PRPF8: variants seen among roughly 807,000 people sequenced by gnomAD.
PRPF8 encodes pre-mRNA-processing-splicing factor 8.
In PRPF8, 64 loss-of-function variants were observed where a neutral mutation model predicts 285.9. The ratio of observed to expected loss-of-function variants is 0.22; its 90% CI spans 0.18 to 0.28. The LOEUF (loss-of-function observed/expected upper bound fraction) is 0.28, where lower values mean the gene tolerates loss of function less well. Among genes scored for constraint, PRPF8 ranks in the 10% least tolerant of loss-of-function variants. PRPF8 has a pLI of 1.00. For missense variants in PRPF8, 1,426 were observed against 3,026.7 expected (o/e 0.47, Z 12.41); for synonymous variants, 1,325 against 1,118.2 (o/e 1.18, Z -3.69).
chr17:1,661,875 G>C lies in PRPF8; in HGVS notation c.4022+31C>G. ...CACTTCCCTTAGGGCCTGAGCAATA[G>C]GGTTTAGAAATACGTTGAACCAGGC... is the stretch of plus-strand genomic sequence containing the variant. On this transcript the variant is annotated intron_variant, in intron 25 of 42. Coordinates refer to ENST00000304992, the MANE Select transcript of PRPF8 (RefSeq NM_006445.4). The surrounding 1 kb of genome is among the most constrained non-coding windows in gnomAD (Gnocchi z 7.3). The C allele has an allele frequency of 1.2e-6, 2 of 1,614,174 alleles. No homozygotes were observed. Among genetic ancestry groups the C allele is most frequent in the East Asian group, 2.2e-5 (1 of 44,888 alleles).
intron 24 of PRPF8, among the ~76,000 whole-genome samples, chr17:1,668,594 A>C (rs1400078163): frequency 1.3e-5 from 2 of 150,532 alleles, no homozygotes; most frequent in South Asian, 2.1e-4. Flanking sequence ...AATCTCCTGA[A>C]CTCGTGATCC....
Position 1,673,574 on chromosome 17 carries a change from A to T in PRPF8, c.3447-7T>A. The T allele has an allele frequency of 6.2e-7, 1 of 1,613,944 alleles. No homozygotes were observed. Among genetic ancestry groups the T allele is most frequent in the Non-Finnish European group, 8.5e-7 (1 of 1,179,996 alleles). The stretch of plus-strand genomic sequence containing the variant: ...CCAGAATACCGCCCGGCCTCTGCCC[A>T]CAGAGAACACATGGTCACAGCAGTT... On this transcript the variant is annotated splice_polypyrimidine_tract_variant and splice_region_variant and intron_variant, in intron 22 of 42. Transcript: ENST00000304992. The surrounding 1 kb of genome is among the most constrained non-coding windows in gnomAD (Gnocchi z 5.5).
Position 1,660,981 on chromosome 17 carries a change from G to T in PRPF8, c.4508+12C>A, listed in dbSNP as rs746275996. 1.1e-5 allele frequency: 17 copies of T among 1,613,472 alleles called. No individual in the cohort carries two copies. Among genetic ancestry groups the T allele is most frequent in the Non-Finnish European group, 7.6e-6 (9 of 1,180,036 alleles). On this transcript the variant is annotated intron_variant, in intron 28 of 42. Transcript: ENST00000304992. ...GTTGTGACAGGTCCCTCTAAGAGAG[G>T]AGAATCCTCACCAGAAAAGCCCCTC... is the stretch of plus-strand genomic sequence containing the variant.
At position 1,676,778 on chromosome 17, in the gene PRPF8, C is replaced by T. The variant is rs1912622039; in HGVS notation, c.2182-67G>A. The stretch of plus-strand genomic sequence containing the variant: ...GCACTGTGGCACACATCTGTAGTCC[C>T]GGCTACTCAGGAGGCTAAGGAGGAT... On this transcript the variant is annotated intron_variant, in intron 15 of 42. Coordinates refer to ENST00000304992, the MANE Select transcript of PRPF8 (RefSeq NM_006445.4). The surrounding 1 kb of genome is among the most constrained non-coding windows in gnomAD (Gnocchi z 6.3). 12 of 1,572,894 alleles carry T rather than the reference C, an allele frequency of 7.6e-6. No homozygotes were observed. The highest frequency in any genetic ancestry group is 3.3e-5 in the Admixed American group (2 of 59,966).
At position 1,667,111 on chromosome 17, in the gene PRPF8, C is replaced by T. The variant is rs574107839; in HGVS notation, c.3775-4958G>A. Among the ~76,000 whole-genome samples the T allele has an allele frequency of 4.6e-5, 7 of 151,778 alleles. No individual in the cohort carries two copies. The South Asian group carries it at 6.2e-4, about 14-fold the overall frequency. On this transcript the variant is annotated intron_variant, in intron 24 of 42. Coordinates refer to ENST00000304992, the MANE Select transcript of PRPF8 (RefSeq NM_006445.4). ...TTACTTAAACCCGGGAGGCGGGGGT[C>T]GCAGTGAGCTGAAATTGTGCCACTG...
Position 1,652,929 on chromosome 17 carries a change from C to T in PRPF8, c.6369+613G>A, listed in dbSNP as rs117256958. 38 of 167,962 alleles carry T rather than the reference C, an allele frequency of 2.3e-4. No homozygotes were observed. The East Asian group carries it at 5.3e-3, about 23-fold the overall frequency. 10.4% of individuals were successfully genotyped at this position (167,962 alleles called of 1,614,324 possible). A position where few individuals can be genotyped will look rare whatever the true frequency, so the allele number is the denominator to read the frequency against. On this transcript the variant is annotated intron_variant, in intron 39 of 42. Coordinates refer to ENST00000304992, the MANE Select transcript of PRPF8 (RefSeq NM_006445.4). ...TCCTGAGTAGCTGGGACTACAGCCA[C>T]GTTTTTTTTGGTTTTGTTTTTTTAG...
In PRPF8 at chr17:1,663,710, C is replaced by CAAAA. The variant is rs58454297; in HGVS notation, c.3775-1561_3775-1558dup. On this transcript the variant is annotated intron_variant, in intron 24 of 42. Coordinates refer to ENST00000304992, the MANE Select transcript of PRPF8 (RefSeq NM_006445.4). ...GGCAACCAAGGAAGAGACTCCATCT[C>CAAAA]AAAAAAAAAAAAAAAAAAAAAAAAA... 1.7e-3 allele frequency among the ~76,000 whole-genome samples: 29 copies of CAAAA among 17,106 alleles called. 4 individuals are homozygous for CAAAA. Among genetic ancestry groups the CAAAA allele is most frequent in the South Asian group, 3.6e-3 (1 of 274 alleles). The allele number at this position is 17,106 out of a possible 152,430, so 11.2% of individuals were successfully genotyped here. A position where few individuals can be genotyped will look rare whatever the true frequency, so the allele number is the denominator to read the frequency against.
In PRPF8 at chr17:1,661,489, G is replaced by C. The variant is rs985505937; in HGVS notation, c.4203-83C>G. 1 of 1,609,852 alleles carries C rather than the reference G, an allele frequency of 6.2e-7. No individual in the cohort carries two copies. The highest frequency in any genetic ancestry group is 1.3e-5 in the African/African-American group (1 of 74,830). On this transcript the variant is annotated intron_variant, in intron 26 of 42. Coordinates refer to ENST00000304992, the MANE Select transcript of PRPF8 (RefSeq NM_006445.4). The surrounding 1 kb of genome is among the most constrained non-coding windows in gnomAD (Gnocchi z 7.3). ...TCCTTCCTGGCCAAAAATAATTAGG[G>C]TCAGTAGAACCAGCCTTCTCACCTC... is the stretch of plus-strand genomic sequence containing the variant.
chr17:1,680,729 G>T lies in PRPF8; in HGVS notation c.1095C>A (p.Val365=), dbSNP rs146559291. Residue 365 remains valine, a synonymous_variant, in exon 8 of 43, where the codon GTC becomes GTA. Coordinates refer to ENST00000304992, the MANE Select transcript of PRPF8 (RefSeq NM_006445.4). ...AAGCATCCCTTCCCTTCCTCACCTT[G>T]ACTGAGTGCCTATGGGAGATTGGGT... ...LINPISHRHS[V]KSQEPLPDDD... is the part of the protein sequence containing the mutation. The T allele has an allele frequency of 1.7e-4, 269 of 1,611,006 alleles. No individual in the cohort carries two copies. The highest frequency in any genetic ancestry group is 2.2e-4 in the Non-Finnish European group (259 of 1,177,214).
At chr17:1,684,679 G>C (rs993714601) in intron 1 of PRPF8, 97 bp from the exon 2 acceptor site, 2 of 1,104,584 alleles carry the variant, frequency 1.8e-6, no homozygotes, top group East Asian at 5.1e-5. Flanking sequence ...CTGCAGTCCC[G>C]CCACACAGTG....
intron 1 of PRPF8, 25 bp from the exon 2 acceptor site, chr17:1,684,607 T>G: frequency 6.2e-7 from 1 of 1,606,768 alleles, no homozygotes; most frequent in Non-Finnish European, 8.5e-7. Context: ...GATAGAAAAA[T>G]TCACTAACCA....
rs745859508 is a variant in PRPF8, at chr17:1,656,494, G to C, written c.5691C>G (p.Leu1897=). 4.3e-6 allele frequency: 7 copies of C among 1,614,196 alleles called. No homozygotes were observed. The highest frequency in any genetic ancestry group is 4.2e-6 in the Non-Finnish European group (5 of 1,180,030). Residue 1897 remains leucine, a synonymous_variant, in exon 36 of 43, where the codon CTC becomes CTG. Transcript: ENST00000304992. ...SELQLPFQAC[L]KVEKFGDLIL... ...TGAGATCCCCGAATTTTTCCACCTT[G>C]AGACACGCCTGGAAAGGGAGTTGGA...
At chr17:1,665,500 T>C (rs1360249905) in intron 24 of PRPF8, among the ~76,000 whole-genome samples, 3 of 148,802 alleles carry the variant, frequency 2.0e-5, no homozygotes, top group Non-Finnish European at 4.4e-5. Flanking sequence ...ATTGCGCCAC[T>C]GCACTCCAGC....
chr17:1,660,146 T>C (rs1471003372), intron 30 of PRPF8, 145 bp from the exon 31 acceptor site: 2 of 1,123,398 alleles, frequency 1.8e-6, no homozygotes, highest in Non-Finnish European at 2.7e-6. Context: ...CAAGCTGAGC[T>C]GACTCTGTAC....
At chr17:1,657,992 A>G (rs1463624185) in intron 34 of PRPF8, among the ~76,000 whole-genome samples, 3 of 148,618 alleles carry the variant, frequency 2.0e-5, no homozygotes, top group African/African-American at 7.4e-5. Context: ...AAAAAAAAAG[A>G]GTATGCGTTG....
chr17:1,674,367 G>A, intron 21 of PRPF8, 75 bp downstream of exon 21: 1 of 1,461,450 alleles, frequency 6.8e-7, no homozygotes, highest in Non-Finnish European at 9.6e-7. Flanking sequence ...GTCAACTCAG[G>A]TACAATAGCT....
chr17:1,678,225 G>C (rs758169619), intron 13 of PRPF8, among the ~76,000 whole-genome samples: 2 of 152,144 alleles, frequency 1.3e-5, no homozygotes, highest in Non-Finnish European at 2.9e-5. Flanking sequence ...TGAAGCAGGA[G>C]AATCACTTCA....
In PRPF8 at chr17:1,651,611, C is replaced by T. The variant is rs759259223; in HGVS notation, c.6510+37G>A. ...CATCCACAGACAGGAATCGCACCAG[C>T]TTTTCCACACTCCCAGGCTCCATCA... is the stretch of plus-strand genomic sequence containing the variant. On this transcript the variant is annotated intron_variant, in intron 40 of 42. Transcript: ENST00000304992. This position sits in a 1 kb window ranked among gnomAD's most constrained non-coding sequence, Gnocchi z 5.1. 6.2e-7 allele frequency: 1 copy of T among 1,614,080 alleles called. No individual in the cohort carries two copies. The highest frequency in any genetic ancestry group is 8.5e-7 in the Non-Finnish European group (1 of 1,180,016).
At chr17:1,652,086 CAG>C in intron 39 of PRPF8, 1 of 516,928 alleles carries the variant, frequency 1.9e-6, no homozygotes, top group Non-Finnish European at 3.5e-6. Context: ...ACATGCAGCT[CAG>C]TGTATTTTCA....
Sources: allele counts gnomAD v4.1 joint callset (sites outside exome capture counted in the v4.1 genomes callset), GRCh38; gene constraint gnomAD v4.1.1; non-coding constraint Gnocchi (gnomAD v3.1); transcripts MANE v1.5; gene names NCBI Gene and HGNC (gene_info 2026-07-23, HGNC 2026-07-21).